Variants in DHRS7B observed in about 807,000 individuals in gnomAD.
DHRS7B encodes dehydrogenase/reductase 7B.
A neutral mutation model predicts 26.4 loss-of-function variants in DHRS7B; 24 were observed. The observed-to-expected ratio is 0.91, with a 90% CI of 0.66 to 1.28. The LOEUF is 1.28. Ranked by LOEUF, DHRS7B falls within the 50% of genes most tolerant of loss-of-function variation. DHRS7B has a pLI of 0.00. For synonymous variants in DHRS7B, 142 were observed against 166.4 expected (o/e 0.85, Z 1.13); for missense variants, 368 against 419.4 (o/e 0.88, Z 1.07).
At chr17:21,156,834 A>G (rs1973892624) in intron 1 of DHRS7B, among the ~76,000 whole-genome samples, 1 of 151,232 alleles carries the variant, frequency 6.6e-6, no homozygotes, top group East Asian at 1.9e-4. Context: ...AATCGCTTGA[A>G]CCTGGGAGGT....
Position 21,127,048 on chromosome 17 carries a change from C to G in DHRS7B, c.20+57C>G. ...TGAGGCGATAGGGTCTGGCCTTGAG[C>G]TGAGGCGACGCCCCGGCTTGGGTGA... On this transcript the variant is annotated intron_variant, in intron 1 of 6. Transcript: ENST00000395511. 2.1e-6 allele frequency: 3 copies of G among 1,451,272 alleles called. No homozygotes were observed. The South Asian group carries it at 4.2e-5, about 20-fold the overall frequency. The allele number at this position is 1,451,272 out of a possible 1,614,324, so 89.9% of individuals were successfully genotyped here.
chr17:21,159,625 C>A (rs1177058649), intron 1 of DHRS7B, among the ~76,000 whole-genome samples: 1 of 151,994 alleles, frequency 6.6e-6, no homozygotes, highest in Non-Finnish European at 1.5e-5. Flanking sequence ...ATAATCCCAG[C>A]ACTTTGGGAG....
intron 1 of DHRS7B, among the ~76,000 whole-genome samples, chr17:21,150,128 A>AAAG (rs1973736593): frequency 6.6e-6 from 1 of 151,168 alleles, no homozygotes; most frequent in Non-Finnish European, 1.5e-5. Context: ...AAAAAAAAAA[A>AAAG]AAAACTAAGG....
intron 1 of DHRS7B, among the ~76,000 whole-genome samples, chr17:21,165,222 C>T (rs1974084902): frequency 6.6e-6 from 1 of 152,076 alleles, no homozygotes; most frequent in South Asian, 2.1e-4. Context: ...TCTTCACCAC[C>T]ACAGTCAGTG....
At chr17:21,190,584 C>T (rs544147091) in intron 6 of DHRS7B, among the ~76,000 whole-genome samples, 5 of 152,338 alleles carry the variant, frequency 3.3e-5, no homozygotes, top group East Asian at 3.9e-4. Context: ...TTTTCAGGTG[C>T]GGTGTGAGGG....
chr17:21,191,306 A>G lies in DHRS7B; in HGVS notation c.*153A>G. 1.3e-6 allele frequency: 1 copy of G among 764,582 alleles called. No homozygotes were observed. The highest frequency in any genetic ancestry group is 1.8e-5 in the South Asian group (1 of 55,078). The allele number at this position is 764,582 out of a possible 1,614,324, so 47.4% of individuals were successfully genotyped here. On this transcript the variant is annotated 3_prime_UTR_variant, in exon 7 of 7. Coordinates refer to ENST00000395511, the MANE Select transcript of DHRS7B (RefSeq NM_015510.5). ...ACATCTCGTGCAGATCTGCTGGCAG[A>G]GGACAATCAAAAACGACAACAAGCT...
intron 2 of DHRS7B, among the ~76,000 whole-genome samples, chr17:21,176,869 G>A (rs1226683554): frequency 6.6e-6 from 1 of 152,096 alleles, no homozygotes; most frequent in East Asian, 1.9e-4. Flanking sequence ...TCTCTTGGCT[G>A]CTGGGCTGTC....
intron 1 of DHRS7B, among the ~76,000 whole-genome samples, chr17:21,129,704 C>CAAAAAAAAAAAAAA (rs61077377): frequency 1.3e-5 from 1 of 74,768 alleles, no homozygotes; most frequent in Non-Finnish European, 2.6e-5. Context: ...GACCCTGACT[C>CAAAAAAAAAAAAAA]AAAAAAAAAA....
At chr17:21,152,842 G>T (rs1973801917) in intron 1 of DHRS7B, among the ~76,000 whole-genome samples, 1 of 152,172 alleles carries the variant, frequency 6.6e-6, no homozygotes, top group Admixed American at 6.5e-5. Context: ...GGAACACTGA[G>T]AGGCACTGGT....
chr17:21,127,242 A>C (rs554675639), intron 1 of DHRS7B: 1 of 476,022 alleles, frequency 2.1e-6, no homozygotes, highest in African/African-American at 2.0e-5. Context: ...TCTTGAGTCC[A>C]GTTTCCGCTG....
intron 5 of DHRS7B, 119 bp from the exon 6 acceptor site, chr17:21,188,592 C>A: frequency 1.7e-6 from 2 of 1,184,290 alleles, no homozygotes; most frequent in Non-Finnish European, 2.3e-6. Context: ...CATAGCAAGA[C>A]GATCACAAAT....
chr17:21,174,268 G>A (rs368720068), intron 2 of DHRS7B, among the ~76,000 whole-genome samples: 1 of 152,336 alleles, frequency 6.6e-6, no homozygotes, highest in African/African-American at 2.4e-5. Flanking sequence ...TCAGTTTTCC[G>A]TGTTTCTCCT....
chr17:21,151,439 G>A (rs1973768775), intron 1 of DHRS7B, among the ~76,000 whole-genome samples: 1 of 150,472 alleles, frequency 6.6e-6, no homozygotes, highest in Non-Finnish European at 1.5e-5. Context: ...CTTGAACCTG[G>A]GAGGCGGAGT....
chr17:21,176,801 A>G (rs967581612), intron 2 of DHRS7B, among the ~76,000 whole-genome samples: 1 of 151,968 alleles, frequency 6.6e-6, no homozygotes, highest in East Asian at 2.0e-4. Context: ...AAATAAGAGG[A>G]AAGTCAGAAA....
intron 1 of DHRS7B, among the ~76,000 whole-genome samples, chr17:21,142,391 G>A (rs921016699): frequency 6.6e-5 from 10 of 152,086 alleles, no homozygotes; most frequent in Non-Finnish European, 1.2e-4. Context: ...CCTGGTTTCC[G>A]GTCTGGTTCC....
intron 1 of DHRS7B, among the ~76,000 whole-genome samples, chr17:21,155,165 T>C (rs982438236): frequency 2.6e-5 from 4 of 152,172 alleles, no homozygotes; most frequent in Non-Finnish European, 5.9e-5. Flanking sequence ...ATGTCAGTGG[T>C]TTTGTCAGTT....
intron 3 of DHRS7B, among the ~76,000 whole-genome samples, chr17:21,178,689 C>T (rs1219883197): frequency 3.7e-4 from 55 of 148,434 alleles, no homozygotes; most frequent in African/African-American, 7.0e-4. Flanking sequence ...CACGGAGTCT[C>T]GCTCTGTCAC....
chr17:21,191,361 G>A lies in DHRS7B; in HGVS notation c.*208G>A. ...CCCAGGGTGAGGGGAAACACTTAAG[G>A]AATAAATATGGAGCTGGGGTTTAAC... On this transcript the variant is annotated 3_prime_UTR_variant, in exon 7 of 7. Transcript: ENST00000395511. The A allele has an allele frequency of 1.7e-6, 1 of 585,554 alleles. No homozygotes were observed. The allele number at this position is 585,554 out of a possible 1,614,324, so 36.3% of individuals were successfully genotyped here. A position where few individuals can be genotyped will look rare whatever the true frequency, so the allele number is the denominator to read the frequency against.
At chr17:21,167,884 CCTT>C (rs796495969) in intron 1 of DHRS7B, among the ~76,000 whole-genome samples, 42 of 152,290 alleles carry the variant, frequency 2.8e-4, no homozygotes, top group African/African-American at 9.6e-4. Context: ...ATATATAAAT[CCTT>C]CTTGTATGCC....
Sources: gnomAD v4.1 joint callset for allele counts (sites outside exome capture counted in the v4.1 genomes callset) on GRCh38, gnomAD v4.1.1 for gene constraint, MANE v1.5 for transcripts, NCBI Gene and HGNC (gene_info 2026-07-23, HGNC 2026-07-21) for gene names.